The following ARHGAP6 variants were observed in gnomAD, a reference collection of about 807,000 sequenced individuals.
ARHGAP6 encodes the protein rho GTPase-activating protein 6.
ARHGAP6 carries 16 observed loss-of-function variants against 55.7 expected under a neutral mutation model. That is an observed-to-expected ratio of 0.29 (90% CI 0.19 to 0.44). The LOEUF is 0.44. Ranked by LOEUF, ARHGAP6 falls within the 20% of genes least tolerant of loss-of-function variation. ARHGAP6 has a pLI of 1.00. For synonymous variants in ARHGAP6, 382 were observed against 360.9 expected (o/e 1.06, Z -0.66); for missense variants, 698 against 808.9 (o/e 0.86, Z 1.66).
intron 1 of ARHGAP6, among the ~76,000 whole-genome samples, chrX:11,537,189 A>C (rs2051112234): frequency 1.8e-5 from 2 of 112,522 alleles, no homozygotes; most frequent in Admixed American, 1.9e-4. Context: ...AGGGAATCAG[A>C]AACGTCCTGT....
At chrX:11,247,674 C>T in intron 2 of ARHGAP6, among the ~76,000 whole-genome samples, 1 of 112,142 alleles carries the variant, frequency 8.9e-6, no homozygotes, top group East Asian at 2.8e-4. Flanking sequence ...CTGATTTTGA[C>T]CATTTGTATT....
chrX:11,360,104 T>G (rs1307511082), intron 1 of ARHGAP6, among the ~76,000 whole-genome samples: 1 of 111,821 alleles, frequency 8.9e-6, no homozygotes, highest in Non-Finnish European at 1.9e-5. Flanking sequence ...CCATTCCTTC[T>G]GAAACTATTC....
At chrX:11,286,432 C>T (rs748330107) in intron 1 of ARHGAP6, among the ~76,000 whole-genome samples, 4 of 111,496 alleles carry the variant, frequency 3.6e-5, no homozygotes, top group Non-Finnish European at 5.6e-5. Flanking sequence ...AAATGAATCA[C>T]AGAGTTTTGG....
At chrX:11,283,068 T>G (rs1001415549) in intron 1 of ARHGAP6, among the ~76,000 whole-genome samples, 1 of 111,937 alleles carries the variant, frequency 8.9e-6, no homozygotes, top group Non-Finnish European at 1.9e-5. Context: ...CTATACAGAA[T>G]GTAATATTAT....
chrX:11,658,311 A>G (rs1333182536), intron 1 of ARHGAP6, among the ~76,000 whole-genome samples: 5 of 111,877 alleles, frequency 4.5e-5, no homozygotes, highest in Admixed American at 2.8e-4. Context: ...ATTCTCCATT[A>G]AAATTAAAAA....
intron 6 of ARHGAP6, among the ~76,000 whole-genome samples, chrX:11,181,066 T>G (rs898825108): frequency 2.7e-5 from 3 of 112,200 alleles, no homozygotes; most frequent in Non-Finnish European, 5.6e-5. Flanking sequence ...AGATAATATT[T>G]GTAAAAATAT....
chrX:11,322,406 T>C (rs1431563682), intron 1 of ARHGAP6, among the ~76,000 whole-genome samples: 1 of 111,087 alleles, frequency 9.0e-6, no homozygotes, highest in Non-Finnish European at 1.9e-5. Flanking sequence ...TTGTCCAGGC[T>C]GGAGTGCAAT....
intron 1 of ARHGAP6, among the ~76,000 whole-genome samples, chrX:11,469,311 C>T (rs1259865650): frequency 8.9e-6 from 1 of 112,647 alleles, no homozygotes; most frequent in Non-Finnish European, 1.9e-5. Flanking sequence ...TCAAAGCAAT[C>T]TTTAAGGCAA....
At chrX:11,573,980 C>T (rs1389778030) in intron 1 of ARHGAP6, among the ~76,000 whole-genome samples, 1 of 111,522 alleles carries the variant, frequency 9.0e-6, no homozygotes, top group Non-Finnish European at 1.9e-5. Context: ...TGATTTGGCT[C>T]TCTGTTTCTT....
At chrX:11,649,033 C>T (rs775874378) in intron 1 of ARHGAP6, among the ~76,000 whole-genome samples, 2 of 112,401 alleles carry the variant, frequency 1.8e-5, no homozygotes, top group African/African-American at 6.4e-5. Context: ...CTTCCTTTAG[C>T]TCGTGGCAGA....
intron 1 of ARHGAP6, among the ~76,000 whole-genome samples, chrX:11,402,488 G>A (rs1413557545): frequency 9.1e-6 from 1 of 110,155 alleles, no homozygotes; most frequent in Non-Finnish European, 1.9e-5. Flanking sequence ...TATTGTACAG[G>A]GGTCACCTCC....
chrX:11,238,017 C>A (rs962535233), intron 2 of ARHGAP6, among the ~76,000 whole-genome samples: 26 of 111,837 alleles, frequency 2.3e-4, no homozygotes, highest in Non-Finnish European at 3.9e-4. Flanking sequence ...TGTCTCTGGA[C>A]ATCACCAAAT....
intron 1 of ARHGAP6, among the ~76,000 whole-genome samples, chrX:11,524,093 C>G (rs1055048348): frequency 8.9e-6 from 1 of 111,764 alleles, no homozygotes; most frequent in African/African-American, 3.3e-5. Context: ...AAACCTGAAG[C>G]TATTATCTCT....
chrX:11,233,293 C>T (rs765533245), intron 2 of ARHGAP6, among the ~76,000 whole-genome samples: 2 of 111,866 alleles, frequency 1.8e-5, no homozygotes, highest in African/African-American at 3.2e-5. Flanking sequence ...TGAAGTTCAC[C>T]CCGCCATTTG....
At chrX:11,294,970 T>C (rs760714398) in intron 1 of ARHGAP6, 103 of 752,409 alleles carry the variant, frequency 1.4e-4, no homozygotes, top group African/African-American at 1.1e-3. Context: ...TGTCTCTGGG[T>C]TGAAGAAACA....
At chrX:11,516,480 T>C (rs2050841881) in intron 1 of ARHGAP6, among the ~76,000 whole-genome samples, 1 of 112,263 alleles carries the variant, frequency 8.9e-6, no homozygotes, top group African/African-American at 3.2e-5. Context: ...CTTCTAAAAA[T>C]ATATTTTCAA....
chrX:11,231,951 C>T (rs2047136190), intron 2 of ARHGAP6, among the ~76,000 whole-genome samples: 1 of 111,985 alleles, frequency 8.9e-6, no homozygotes, highest in Non-Finnish European at 1.9e-5. Flanking sequence ...CTATTAGTTA[C>T]CAATATCTTC....
intron 2 of ARHGAP6, among the ~76,000 whole-genome samples, chrX:11,231,814 T>C (rs780832474): frequency 8.9e-6 from 1 of 112,174 alleles, no homozygotes; most frequent in East Asian, 2.8e-4. Context: ...CCAAAGCACA[T>C]TGAAATAATT....
chrX:11,428,365 C>T (rs1042464827), intron 1 of ARHGAP6, among the ~76,000 whole-genome samples: 1 of 111,689 alleles, frequency 9.0e-6, no homozygotes, highest in African/African-American at 3.3e-5. Context: ...GGGGGGCTTG[C>T]AGGGCACATT....
Sources: gnomAD v4.1 joint callset for allele counts (sites outside exome capture counted in the v4.1 genomes callset) on GRCh38, gnomAD v4.1.1 for gene constraint, MANE v1.5 for transcripts, NCBI Gene and HGNC (gene_info 2026-07-23, HGNC 2026-07-21) for gene names.